The following ANKS1B variants were observed in gnomAD, a reference collection of about 807,000 sequenced individuals.
The protein encoded by ANKS1B is ankyrin repeat and sterile alpha motif domain-containing protein 1B.
In ANKS1B, 36 loss-of-function variants were observed where a neutral mutation model predicts 148.3. The ratio of observed to expected loss-of-function variants is 0.24; its 90% CI spans 0.19 to 0.32. The LOEUF (loss-of-function observed/expected upper bound fraction) is 0.32. ANKS1B is among the 10% of genes least tolerant of loss of function. ANKS1B has a pLI of 1.00. For missense variants in ANKS1B, 1,157 were observed against 1,542.6 expected (o/e 0.75, Z 4.19); for synonymous variants, 542 against 560.8 (o/e 0.97, Z 0.47).
At chr12:99,280,945 A>ACACACT (rs1555368289) in intron 12 of ANKS1B, among the ~76,000 whole-genome samples, 2 of 146,738 alleles carry the variant, frequency 1.4e-5, no homozygotes, top group East Asian at 2.0e-4. Context: ...ACACACACAC[A>ACACACT]CTCTCTCTCT....
chr12:99,077,812 C>T (rs1599534868), intron 16 of ANKS1B, among the ~76,000 whole-genome samples: 1 of 152,170 alleles, frequency 6.6e-6, no homozygotes. Context: ...CCTTAAAATT[C>T]AGATGTAACT....
chr12:99,156,313 A>G (rs150681956), intron 14 of ANKS1B, among the ~76,000 whole-genome samples: 304 of 152,300 alleles, frequency 2.0e-3, no homozygotes, highest in African/African-American at 6.8e-3. Flanking sequence ...AGGCCCACCT[A>G]GCCTAGTGAA....
At chr12:99,904,105 G>A (rs2093695284) in intron 1 of ANKS1B, among the ~76,000 whole-genome samples, 1 of 151,944 alleles carries the variant, frequency 6.6e-6, no homozygotes, top group African/African-American at 2.4e-5. Context: ...ATTAATTTAA[G>A]TTGGATTTGT....
At chr12:99,283,627 C>T (rs894205601) in intron 12 of ANKS1B, among the ~76,000 whole-genome samples, 1 of 152,202 alleles carries the variant, frequency 6.6e-6, no homozygotes, top group Non-Finnish European at 1.5e-5. Flanking sequence ...TATGGAAGAA[C>T]TATCTGTATA....
chr12:99,473,655 T>C (rs910896281), intron 10 of ANKS1B, among the ~76,000 whole-genome samples: 27 of 152,190 alleles, frequency 1.8e-4, no homozygotes, highest in African/African-American at 5.5e-4. Flanking sequence ...TGGCACCTCA[T>C]TGGGGCCTTA....
chr12:99,166,629 A>T (rs567463578), intron 14 of ANKS1B, among the ~76,000 whole-genome samples: 87 of 152,080 alleles, frequency 5.7e-4, no homozygotes, highest in Non-Finnish European at 1.1e-3. Flanking sequence ...ATAAATGGAA[A>T]GATATACTAT....
At chr12:98,970,975 C>T (rs1257863552) in intron 17 of ANKS1B, among the ~76,000 whole-genome samples, 2 of 152,008 alleles carry the variant, frequency 1.3e-5, no homozygotes, top group Admixed American at 6.6e-5. Context: ...AATATGACCT[C>T]CCCCCACCCC....
chr12:99,658,472 C>A (rs1037554167), intron 8 of ANKS1B, among the ~76,000 whole-genome samples: 5 of 152,068 alleles, frequency 3.3e-5, no homozygotes, highest in African/African-American at 1.2e-4. Flanking sequence ...AGATTTCCCA[C>A]AAGCATGCAT....
chr12:99,197,265 C>T (rs966386022), intron 14 of ANKS1B, among the ~76,000 whole-genome samples: 2 of 152,056 alleles, frequency 1.3e-5, no homozygotes, highest in African/African-American at 4.8e-5. Context: ...AACCAAATAT[C>T]CTTTATAAAA....
At chr12:98,757,914 C>CTGCATGTGTG (rs1039974589) in intron 25 of ANKS1B, among the ~76,000 whole-genome samples, 1 of 127,758 alleles carries the variant, frequency 7.8e-6, no homozygotes, top group Non-Finnish European at 1.7e-5. Context: ...TGAAAGAGAG[C>CTGCATGTGTG]TGCATGTGTG....
At chr12:99,527,815 A>G (rs56169493) in intron 9 of ANKS1B, among the ~76,000 whole-genome samples, 32,139 of 151,790 alleles carry the variant, frequency 0.21, 3,623 homozygotes, top group East Asian at 0.3. Flanking sequence ...TTTGATTAAA[A>G]TGTATCAAAC....
intron 4 of ANKS1B, among the ~76,000 whole-genome samples, chr12:99,794,019 T>C (rs1046170481): frequency 6.6e-6 from 1 of 152,032 alleles, no homozygotes; most frequent in Non-Finnish European, 1.5e-5. Context: ...AACATTTGAA[T>C]AGACATTTCT....
chr12:99,754,544 A>C (rs1191941460), intron 8 of ANKS1B, among the ~76,000 whole-genome samples: 1 of 152,158 alleles, frequency 6.6e-6, no homozygotes, highest in Non-Finnish European at 1.5e-5. Flanking sequence ...CAGAATATAC[A>C]TTCTTCTCAT....
intron 12 of ANKS1B, among the ~76,000 whole-genome samples, chr12:99,389,840 C>T (rs540110046): frequency 7.9e-5 from 12 of 152,076 alleles, no homozygotes; most frequent in Admixed American, 1.3e-4. Flanking sequence ...ACTACTGCGC[C>T]CTTGCCTCTG....
chr12:99,390,124 T>TA (rs777829433), intron 12 of ANKS1B, among the ~76,000 whole-genome samples: 13 of 152,204 alleles, frequency 8.5e-5, no homozygotes, highest in Non-Finnish European at 1.5e-4. Context: ...ATAACAGCAA[T>TA]AAAAAAGTAA....
chr12:99,532,043 G>GT lies in ANKS1B; in HGVS notation c.1273-27403dup, dbSNP rs143564495. Among the ~76,000 whole-genome samples the GT allele has an allele frequency of 7.5e-3, 1,087 of 145,536 alleles. 13 individuals carry two copies. Among genetic ancestry groups the GT allele is most frequent in the African/African-American group, 0.023 (911 of 39,794 alleles). ...TGCTTGTCTACTTTGTAACGGGATT[G>GT]TTTTTTTTTTTCTTGCTGATTTGTT... is the stretch of plus-strand genomic sequence containing the variant. On this transcript the variant is annotated intron_variant, in intron 9 of 26. Transcript: ENST00000683438.
chr12:99,940,269 T>C (rs2094886069), intron 1 of ANKS1B, among the ~76,000 whole-genome samples: 1 of 152,138 alleles, frequency 6.6e-6, no homozygotes. Context: ...GTTCTATGGC[T>C]GACACCACAA....
At chr12:99,938,824 G>A (rs751954714) in intron 1 of ANKS1B, among the ~76,000 whole-genome samples, 37 of 152,220 alleles carry the variant, frequency 2.4e-4, no homozygotes, top group East Asian at 7.7e-4. Context: ...TCCATTTCCC[G>A]ACTAAATGCT....
At chr12:99,669,349 T>C (rs1206695241) in intron 8 of ANKS1B, among the ~76,000 whole-genome samples, 4 of 152,176 alleles carry the variant, frequency 2.6e-5, no homozygotes, top group African/African-American at 9.7e-5. Context: ...AGTGTAGTTG[T>C]ATTTCTTTAA....
Sources: allele counts gnomAD v4.1 joint callset (sites outside exome capture counted in the v4.1 genomes callset), GRCh38; gene constraint gnomAD v4.1.1; transcripts MANE v1.5; gene names NCBI Gene and HGNC (gene_info 2026-07-23, HGNC 2026-07-21).